Variants in SCRIB observed in about 807,000 individuals in gnomAD.
SCRIB encodes the protein scribble planar cell polarity protein, also known as protein scribble homolog.
In SCRIB, 72 loss-of-function variants were observed where a neutral mutation model predicts 170.0. That is an observed-to-expected ratio of 0.42 (90% confidence interval 0.35 to 0.52). SCRIB has a LOEUF of 0.52. Ranked by LOEUF, SCRIB falls within the 20% of genes least tolerant of loss-of-function variation. The pLI, the probability that SCRIB is intolerant of heterozygous loss-of-function variation, is 0.02. For synonymous variants in SCRIB, 1,298 were observed against 1,044.3 expected (o/e 1.24, Z -4.68); for missense variants, 2,475 against 2,338.5 (o/e 1.06, Z -1.20).
Position 143,815,407 on chromosome 8 carries a change from G to C in SCRIB, c.-35C>G, listed in dbSNP as rs767293346. The C allele has an allele frequency of 2.6e-5, 33 of 1,256,692 alleles. No individual in the cohort carries two copies. The African/African-American group carries it at 4.5e-4, about 17-fold the overall frequency. The allele number at this position is 1,256,692 out of a possible 1,614,324, so 77.8% of individuals were successfully genotyped here. A position where few individuals can be genotyped will look rare whatever the true frequency, so the allele number is the denominator to read the frequency against. On this transcript the variant is annotated 5_prime_UTR_variant, in exon 1 of 37. Transcript: ENST00000356994. ...GGGCGGCGCGGGCTCCGGCGGCGGC[G>C]CTCGGCGGGCTCGGGGCCGGGGGGC...
chr8:143,808,987 C>A lies in SCRIB; in HGVS notation c.1737G>T (p.Gly579=). The change falls in exon 15 of 37, where the codon GGG becomes GGT. Residue 579 remains glycine, a synonymous_variant. Coordinates refer to ENST00000356994, the MANE Select transcript of SCRIB (RefSeq NM_182706.5). ...GCCCCTCCTCGATCTCCCTGTCATCCCCGGGCAGCAGTGCGTCCTCTGCGA... is the reference window on the plus strand; with the variant it reads ...GCCCCTCCTCGATCTCCCTGTCATCACCGGGCAGCAGTGCGTCCTCTGCGA... The part of the protein sequence containing the change: ...VHFAEDALLP[G]DDREIEEGQP... 6.2e-7 allele frequency: 1 copy of A among 1,613,238 alleles called. No individual in the cohort carries two copies. The highest frequency in any genetic ancestry group is 8.5e-7 in the Non-Finnish European group (1 of 1,179,926).
rs1192350904 is a variant in SCRIB, at chr8:143,815,517, G to A, written c.-145C>T. 2.0e-6 allele frequency: 2 copies of A among 984,154 alleles called. No homozygotes were observed. The highest frequency in any genetic ancestry group is 3.5e-5 in the African/African-American group (2 of 56,602). The allele number at this position is 984,154 out of a possible 1,614,324, so 61.0% of individuals were successfully genotyped here. A position where few individuals can be genotyped will look rare whatever the true frequency, so the allele number is the denominator to read the frequency against. ...CCCGAGACTGGACGGGGACGCGGCCGCGGCCGGCGCTGGGCCCGGCCCGCG... is the reference window on the plus strand; with the variant it reads ...CCCGAGACTGGACGGGGACGCGGCCACGGCCGGCGCTGGGCCCGGCCCGCG... On this transcript the variant is annotated 5_prime_UTR_variant, in exon 1 of 37. Transcript: ENST00000356994.
In SCRIB at chr8:143,815,424, C is replaced by A. The variant is rs1816038541; in HGVS notation, c.-52G>T. 8.1e-7 allele frequency: 1 copy of A among 1,230,292 alleles called. No homozygotes were observed. Among genetic ancestry groups the A allele is most frequent in the Non-Finnish European group, 1.0e-6 (1 of 983,632 alleles). 76.2% of individuals were successfully genotyped at this position (1,230,292 alleles called of 1,614,324 possible). A position where few individuals can be genotyped will look rare whatever the true frequency, so the allele number is the denominator to read the frequency against. On this transcript the variant is annotated 5_prime_UTR_variant, in exon 1 of 37. Transcript: ENST00000356994. ...GCGGCGGCGCTCGGCGGGCTCGGGG[C>A]CGGGGGGCGGGGCTCAGTCCGCATG...
rs374079520 is a variant in SCRIB, at chr8:143,813,810, C to T, written c.356+8G>A. The T allele has an allele frequency of 4.4e-6, 7 of 1,607,900 alleles. No individual in the cohort carries two copies. Among genetic ancestry groups the T allele is most frequent in the Admixed American group, 1.7e-5 (1 of 59,744 alleles). On this transcript the variant is annotated splice_region_variant and intron_variant, in intron 3 of 36. Coordinates refer to ENST00000356994, the MANE Select transcript of SCRIB (RefSeq NM_182706.5). The stretch of plus-strand genomic sequence containing the variant: ...CCCCTACCGACCCCACCACAGGCTG[C>T]CACCCACCTGGAGAGGGGGTTCCCG...
chr8:143,793,167 G>T, intron 28 of SCRIB, 84 bp from the exon 29 acceptor site: 1 of 750,212 alleles, frequency 1.3e-6, no homozygotes, highest in African/African-American at 1.8e-5. Context: ...CTGTCCCCCC[G>T]CCTGTCCCCC....
At chr8:143,814,879 G>A in intron 1 of SCRIB, 1 of 310,486 alleles carries the variant, frequency 3.2e-6, no homozygotes, top group Non-Finnish European at 6.0e-6. Context: ...CACCTCCAGA[G>A]CGGCCCAAGA....
rs782499833 is a variant in SCRIB, at chr8:143,803,686, G to A, written c.3375C>T (p.Asn1125=). Residue 1125 remains asparagine, a synonymous_variant, in exon 23 of 37, where the codon AAC becomes AAT. Coordinates refer to ENST00000356994, the MANE Select transcript of SCRIB (RefSeq NM_182706.5). ...IRGGARGHAG[N]PRDPTDEGIF... ...TGCCCTCGTCTGTGGGGTCGCGGGG[G>A]TTGCCAGCGTGGCCCCTGGCACCCC... The A allele has an allele frequency of 1.3e-6, 2 of 1,579,496 alleles. No individual in the cohort carries two copies. Among genetic ancestry groups the A allele is most frequent in the African/African-American group, 1.3e-5 (1 of 74,408 alleles).
At chr8:143,800,028 G>GCCCC (rs139869955) in intron 24 of SCRIB, among the ~76,000 whole-genome samples, 25 of 127,076 alleles carry the variant, frequency 2.0e-4, no homozygotes, top group African/African-American at 6.9e-4. Flanking sequence ...ATGAATTGAA[G>GCCCC]CCCCCCCCCC....
rs1554636076 is a variant in SCRIB, at chr8:143,804,992, G to A, written c.2693C>T (p.Ala898Val). 6.3e-7 allele frequency: 1 copy of A among 1,586,194 alleles called. No homozygotes were observed. Among genetic ancestry groups the A allele is most frequent in the Admixed American group, 1.8e-5 (1 of 57,120 alleles). ...GDAGIFVSRI[A>V]EGGAAHRAGT... ...CGCGCGGTGAGCAGCACCGCCCTCG[G>A]CAATGCGGGAGACGAAGATGCCCTG... Residue 898 changes from alanine (A) to valine (V), a missense_variant, in exon 20 of 37, where the codon GCC becomes GTC. This residue lies in a region of SCRIB where 1,966 missense variants were observed against 1,742.9 expected (regional missense o/e 1.13). Coordinates refer to ENST00000356994, the MANE Select transcript of SCRIB (RefSeq NM_182706.5).
In SCRIB at chr8:143,805,403, G is replaced by A; in HGVS notation, c.2379C>T (p.His793=). The change falls in exon 19 of 37, where the codon CAC becomes CAT. Residue 793 remains histidine, a synonymous_variant. Transcript: ENST00000356994. ...CCCGGAGCGCCTCCACGGCCTCGTG[G>A]TGCTCGGCGCCCTGCAGAGCCACAC... ...VNGVALQGAE[H]HEAVEALRGA... 6.5e-7 allele frequency: 1 copy of A among 1,535,268 alleles called. No homozygotes were observed. The highest frequency in any genetic ancestry group is 1.2e-5 in the South Asian group (1 of 83,476).
intron 21 of SCRIB, among the ~76,000 whole-genome samples, chr8:143,804,367 C>A (rs1356162860): frequency 6.6e-6 from 1 of 152,258 alleles, no homozygotes; most frequent in Non-Finnish European, 1.5e-5. Flanking sequence ...TGTGGCCAGC[C>A]AGGAGACTGT....
chr8:143,794,525 G>A (rs1457006891), intron 27 of SCRIB, among the ~76,000 whole-genome samples: 1 of 152,146 alleles, frequency 6.6e-6, no homozygotes, highest in Non-Finnish European at 1.5e-5. Flanking sequence ...AGGGCCTGCA[G>A]GAGCCACCCC....
intron 13 of SCRIB, 120 bp downstream of exon 13, chr8:143,810,359 C>T (rs1815650345): frequency 7.1e-7 from 1 of 1,410,508 alleles, no homozygotes; most frequent in Non-Finnish European, 9.6e-7. Context: ...CTGTCACCAG[C>T]CTCATCTCCT....
chr8:143,812,746 C>G (rs1398922931), intron 8 of SCRIB, 71 bp downstream of exon 8: 11 of 1,543,028 alleles, frequency 7.1e-6, no homozygotes, highest in East Asian at 6.8e-5. Flanking sequence ...CCACACACAG[C>G]CCCGACGCCC....
At chr8:143,798,526 C>T (rs550373196) in intron 24 of SCRIB, among the ~76,000 whole-genome samples, 2 of 152,340 alleles carry the variant, frequency 1.3e-5, no homozygotes, top group Admixed American at 1.3e-4. Context: ...ACTCAAATTC[C>T]TGGGCTCGAG....
At chr8:143,807,889 G>A (rs1309602838) in intron 15 of SCRIB, among the ~76,000 whole-genome samples, 1 of 152,170 alleles carries the variant, frequency 6.6e-6, no homozygotes, top group Non-Finnish European at 1.5e-5. Context: ...CCACACTCAG[G>A]GTCAGAGTGT....
At chr8:143,794,107 C>T (rs979593841) in intron 27 of SCRIB, 145 bp from the exon 28 acceptor site, 1 of 725,344 alleles carries the variant, frequency 1.4e-6, no homozygotes, top group Non-Finnish European at 2.3e-6. Flanking sequence ...ATGCCCCAGA[C>T]ACTCGGTCAG....
At chr8:143,797,155 G>A (rs1043567577) in intron 24 of SCRIB, among the ~76,000 whole-genome samples, 3 of 152,236 alleles carry the variant, frequency 2.0e-5, no homozygotes, top group Non-Finnish European at 2.9e-5. Context: ...CAGAAGGTGA[G>A]GGGCTGCTGA....
Position 143,792,503 on chromosome 8 carries a change from C to A in SCRIB, c.4310G>T (p.Ser1437Ile). The change falls in exon 31 of 37, where the codon AGC (serine) becomes ATC (isoleucine). Residue 1437 changes from serine to isoleucine, a missense_variant. This residue lies in a region of SCRIB where 1,966 missense variants were observed against 1,742.9 expected (regional missense o/e 1.13). Transcript: ENST00000356994. ...TGCTCACCTTGAGGTGGGGCTCGGG[C>A]TGGCCCAGGGTGGCTGCTCATCCTC... Reference protein sequence around the residue: ...EQEDEQPPWASPSPTSRQSPA... With the variant: ...EQEDEQPPWAIPSPTSRQSPA... The A allele has an allele frequency of 2.6e-6, 4 of 1,550,450 alleles. No homozygotes were observed. The South Asian group carries it at 4.7e-5, about 18-fold the overall frequency.
Sources: allele counts gnomAD v4.1 joint callset (sites outside exome capture counted in the v4.1 genomes callset), GRCh38; gene constraint gnomAD v4.1.1; regional missense constraint gnomAD v4.1.1; transcripts MANE v1.5; gene names NCBI Gene and HGNC (gene_info 2026-07-23, HGNC 2026-07-21).